The following ZNF516 variants were observed in gnomAD, a reference collection of about 807,000 sequenced individuals.
The protein encoded by ZNF516 is zinc finger protein 516.
ZNF516 carries 19 observed loss-of-function variants against 79.7 expected under a neutral mutation model. The observed-to-expected ratio is 0.24, with a 90% CI of 0.17 to 0.35. The LOEUF (loss-of-function observed/expected upper bound fraction) is 0.35. Among genes scored for constraint, ZNF516 ranks in the 10% least tolerant of loss-of-function variants. The pLI is 1.00. For missense variants in ZNF516, 1,678 were observed against 1,679.5 expected (o/e 1.00, Z 0.02); for synonymous variants, 877 against 739.5 (o/e 1.19, Z -3.02).
At chr18:76,443,808 C>G (rs1911877085) in intron 2 of ZNF516, among the ~76,000 whole-genome samples, 1 of 152,246 alleles carries the variant, frequency 6.6e-6, no homozygotes, top group South Asian at 2.1e-4. Context: ...CGCAACACAC[C>G]TAGGCTGTAT....
rs141228532 is a variant in ZNF516, at chr18:76,492,489, A to G, written c.-272+2655T>C. 2.9e-3 allele frequency: 1,533 copies of G among 522,248 alleles called. 7 individuals are homozygous for G. The highest frequency in any genetic ancestry group is 0.018 in the Middle Eastern group (18 of 1,008). 32.4% of individuals were successfully genotyped at this position (522,248 alleles called of 1,614,324 possible). A position where few individuals can be genotyped will look rare whatever the true frequency, so the allele number is the denominator to read the frequency against. ...AGCGCTTCACCTTCTAGAATTTGCC[A>G]GGGACTAGGCATCAACTCCCAGTGA... On this transcript the variant is annotated intron_variant, in intron 1 of 6. Coordinates refer to ENST00000443185, the MANE Select transcript of ZNF516 (RefSeq NM_014643.4).
intron 3 of ZNF516, chr18:76,386,959 C>T (rs1248250566): frequency 1.3e-5 from 2 of 152,198 alleles, no homozygotes; most frequent in East Asian, 3.8e-4. Flanking sequence ...ATGGGGAACC[C>T]GTTAACACCC....
In ZNF516 at chr18:76,390,456, G is replaced by C. The variant is rs1341176491; in HGVS notation, c.1811-10153C>G. On this transcript the variant is annotated intron_variant, in intron 3 of 6. Transcript: ENST00000443185. ...TTGCGGGGTGGAGCAGGTCACCCAG[G>C]GAGGCCAGTCCCAAGCCAGGAAGCA... Among the ~76,000 whole-genome samples, 3 of 152,294 alleles carry C rather than the reference G, an allele frequency of 2.0e-5. No homozygotes were observed. The East Asian group carries it at 5.8e-4, about 29-fold the overall frequency.
At chr18:76,468,502 G>A (rs935391149) in intron 1 of ZNF516, among the ~76,000 whole-genome samples, 5 of 148,314 alleles carry the variant, frequency 3.4e-5, no homozygotes, top group Middle Eastern at 7.0e-3. Flanking sequence ...CTGCAACCTC[G>A]GCCTTCCGGG....
chr18:76,455,428 T>G (rs186328162), intron 2 of ZNF516, among the ~76,000 whole-genome samples: 1 of 152,328 alleles, frequency 6.6e-6, no homozygotes, highest in African/African-American at 2.4e-5. Context: ...TGTGAACAGT[T>G]GTGCAAGGCA....
At chr18:76,496,316 C>T, upstream of ZNF516, 6 of 1,289,670 alleles carry the variant, frequency 4.7e-6, no homozygotes, top group Non-Finnish European at 6.1e-6. Flanking sequence ...CTCGTGATAA[C>T]TCCGCAGTGG....
At chr18:76,496,346 C>A (rs1361709927), upstream of ZNF516, 8 of 1,289,556 alleles carry the variant, frequency 6.2e-6, no homozygotes, top group African/African-American at 7.6e-5. Flanking sequence ...CCGTCCAAGA[C>A]GCCCAACGTG....
chr18:76,484,562 A>G (rs1914720998), intron 1 of ZNF516, among the ~76,000 whole-genome samples: 1 of 152,168 alleles, frequency 6.6e-6, no homozygotes, highest in Non-Finnish European at 1.5e-5. Context: ...ATCTAAATGG[A>G]GTTTTCGTGG....
At chr18:76,438,616 T>C (rs936908338) in intron 3 of ZNF516, among the ~76,000 whole-genome samples, 1 of 152,120 alleles carries the variant, frequency 6.6e-6, no homozygotes, top group Non-Finnish European at 1.5e-5. Context: ...GGGATAAAAG[T>C]AACATGAATA....
chr18:76,441,948 G>T lies in ZNF516; in HGVS notation c.1107C>A (p.Ala369=), dbSNP rs369604123. 38 of 1,611,210 alleles carry T rather than the reference G, an allele frequency of 2.4e-5. No individual in the cohort carries two copies. The highest frequency in any genetic ancestry group is 3.2e-5 in the Non-Finnish European group (38 of 1,179,362). Reference sequence around the variant, plus strand: ...CCGAGGGCCCCTCCGCCCCCTCCTCGGCCGGGGCGCGCGTGCGGCTGGCCT... The same window carrying T: ...CCGAGGGCCCCTCCGCCCCCTCCTCTGCCGGGGCGCGCGTGCGGCTGGCCT... ...RVEASRTRAP[A]EEGAEGPSDT... Residue 369 remains alanine (A), a synonymous_variant, in exon 3 of 7, where the codon GCC becomes GCA. Transcript: ENST00000443185.
chr18:76,426,969 A>T (rs1238419635), intron 3 of ZNF516, among the ~76,000 whole-genome samples: 3 of 152,262 alleles, frequency 2.0e-5, no homozygotes, highest in African/African-American at 7.2e-5. Context: ...CCGTATGGAC[A>T]GGTTATGGAG....
At position 76,441,960 on chromosome 18, in the gene ZNF516, C is replaced by T. The variant is rs371879967; in HGVS notation, c.1095G>A (p.Thr365=). Reference sequence around the variant, plus strand: ...CCGCCCCCTCCTCGGCCGGGGCGCGCGTGCGGCTGGCCTCGACTCTGCGGT... The same window carrying T: ...CCGCCCCCTCCTCGGCCGGGGCGCGTGTGCGGCTGGCCTCGACTCTGCGGT... ...AIHRRVEASR[T]RAPAEEGAEG... Residue 365 remains threonine, a synonymous_variant, in exon 3 of 7, where the codon ACG becomes ACA. Transcript: ENST00000443185. 3.6e-5 allele frequency: 58 copies of T among 1,612,246 alleles called. No homozygotes were observed. Among genetic ancestry groups the T allele is most frequent in the Non-Finnish European group, 4.7e-5 (55 of 1,179,660 alleles).
At chr18:76,372,464 G>A (rs1307452195) in intron 4 of ZNF516, among the ~76,000 whole-genome samples, 1 of 152,154 alleles carries the variant, frequency 6.6e-6, no homozygotes, top group Non-Finnish European at 1.5e-5. Context: ...ACTAGAAAAA[G>A]TTACACCTGT....
chr18:76,406,810 G>A (rs576645003), intron 3 of ZNF516, among the ~76,000 whole-genome samples: 7 of 152,242 alleles, frequency 4.6e-5, no homozygotes, highest in South Asian at 2.1e-4. Flanking sequence ...ATCCACTGAC[G>A]GCCCAGGAGT....
At chr18:76,458,792 G>A (rs377398847) in intron 2 of ZNF516, among the ~76,000 whole-genome samples, 290 of 131,446 alleles carry the variant, frequency 2.2e-3, no homozygotes, top group African/African-American at 3.7e-3. Flanking sequence ...CCTCACCGTC[G>A]TGCGTGTGCG....
At chr18:76,414,201 T>C (rs1233695312) in intron 3 of ZNF516, among the ~76,000 whole-genome samples, 1 of 152,256 alleles carries the variant, frequency 6.6e-6, no homozygotes, top group African/African-American at 2.4e-5. Context: ...ACCAATTGTT[T>C]ACAATCCAGT....
chr18:76,492,142 C>T, intron 1 of ZNF516: 3 of 985,306 alleles, frequency 3.0e-6, no homozygotes, highest in Non-Finnish European at 3.6e-6. Context: ...TCCTTAACCT[C>T]TCCATTGCAT....
At position 76,358,943 on chromosome 18, in the gene ZNF516, G is replaced by A. The variant is rs2074493961; in HGVS notation, c.*3555C>T. ...CTGTCCAAAGAACAGAGGCCGACCA[G>A]AGTTGCCAGCCTGGAGAGGCACCAT... is the stretch of plus-strand genomic sequence containing the variant. On this transcript the variant is annotated 3_prime_UTR_variant, in exon 7 of 7. Coordinates refer to ENST00000443185, the MANE Select transcript of ZNF516 (RefSeq NM_014643.4). The A allele has an allele frequency of 6.6e-6, 1 of 150,926 alleles. No individual in the cohort carries two copies. The highest frequency in any genetic ancestry group is 1.5e-5 in the Non-Finnish European group (1 of 68,210). 9.3% of individuals were successfully genotyped at this position (150,926 alleles called of 1,614,324 possible).
intron 3 of ZNF516, among the ~76,000 whole-genome samples, chr18:76,399,896 GACAT>G (rs2075195540): frequency 1.3e-5 from 2 of 152,164 alleles, no homozygotes; most frequent in Non-Finnish European, 2.9e-5. Context: ...GATTGTGAGT[GACAT>G]GTGGATGAAA....
Sources: allele counts gnomAD v4.1 joint callset (sites outside exome capture counted in the v4.1 genomes callset), GRCh38; gene constraint gnomAD v4.1.1; transcripts MANE v1.5; gene names NCBI Gene and HGNC (gene_info 2026-07-23, HGNC 2026-07-21).